CNTN5: variants seen among roughly 807,000 people sequenced by gnomAD.
The protein encoded by CNTN5 is contactin 5.
A neutral mutation model predicts 129.1 loss-of-function variants in CNTN5; 77 were observed. The observed-to-expected ratio is 0.60, with a 90% confidence interval of 0.50 to 0.72. The LOEUF (loss-of-function observed/expected upper bound fraction) is 0.72, where lower values mean the gene tolerates loss of function less well. CNTN5 is among the 30% of genes least tolerant of loss of function. CNTN5 has a pLI of 0.00. For missense variants in CNTN5, 1,478 were observed against 1,328.8 expected (o/e 1.11, Z -1.75); for synonymous variants, 509 against 465.6 (o/e 1.09, Z -1.20).
At chr11:100,239,789 G>T (rs7110716) in intron 16 of CNTN5, among the ~76,000 whole-genome samples, 7,653 of 152,184 alleles carry the variant, frequency 0.05, 535 homozygotes, top group African/African-American at 0.16. Flanking sequence ...GAAATATTTT[G>T]CAAGTTACAT....
intron 3 of CNTN5, among the ~76,000 whole-genome samples, chr11:99,684,112 T>A (rs971803415): frequency 6.6e-6 from 1 of 151,780 alleles, no homozygotes; most frequent in African/African-American, 2.4e-5. Context: ...CCCCGTCTGG[T>A]AACCACACTT....
At chr11:99,338,955 A>G (rs997058156) in intron 2 of CNTN5, among the ~76,000 whole-genome samples, 2 of 117,842 alleles carry the variant, frequency 1.7e-5, no homozygotes, top group African/African-American at 2.8e-5. Context: ...TATCTGTGAT[A>G]TATATGTGTG....
At chr11:100,069,489 G>A (rs1048230693) in intron 10 of CNTN5, among the ~76,000 whole-genome samples, 18 of 151,956 alleles carry the variant, frequency 1.2e-4, no homozygotes, top group Admixed American at 1.1e-3. Flanking sequence ...TTTTTCACAT[G>A]CTCTCCTCTT....
At chr11:99,180,400 G>A (rs574492255) in intron 1 of CNTN5, among the ~76,000 whole-genome samples, 14 of 152,156 alleles carry the variant, frequency 9.2e-5, no homozygotes, top group Non-Finnish European at 7.3e-5. Context: ...TTTCGGCGCA[G>A]TCTGGGACCC....
At chr11:100,316,335 G>A (rs1377063116) in intron 21 of CNTN5, among the ~76,000 whole-genome samples, 2 of 152,112 alleles carry the variant, frequency 1.3e-5, no homozygotes, top group Admixed American at 6.5e-5. Flanking sequence ...TGGGCAATGG[G>A]AATGTACATA....
intron 1 of CNTN5, among the ~76,000 whole-genome samples, chr11:99,098,057 A>G (rs376184249): frequency 2.6e-5 from 4 of 152,074 alleles, no homozygotes; most frequent in African/African-American, 9.7e-5. Flanking sequence ...GGAATTCTAT[A>G]TATCTCATTT....
chr11:99,821,522 A>ATT (rs879425186), intron 4 of CNTN5, among the ~76,000 whole-genome samples: 1 of 150,142 alleles, frequency 6.7e-6, no homozygotes, highest in East Asian at 1.9e-4. Context: ...TGATTAGACA[A>ATT]TTTTTTTTTT....
intron 3 of CNTN5, among the ~76,000 whole-genome samples, chr11:99,569,109 G>A (rs1026025271): frequency 3.9e-5 from 6 of 151,982 alleles, no homozygotes; most frequent in East Asian, 1.9e-4. Flanking sequence ...ATGGTTTGAA[G>A]TGAAAATTTT....
chr11:99,337,877 T>C (rs1866304724), intron 2 of CNTN5, among the ~76,000 whole-genome samples: 3 of 150,068 alleles, frequency 2.0e-5, no homozygotes, highest in African/African-American at 7.4e-5. Flanking sequence ...TTTAAAAAAA[T>C]CAAAGCAGAA....
At chr11:100,047,135 C>A (rs1219067714) in intron 9 of CNTN5, among the ~76,000 whole-genome samples, 1 of 151,690 alleles carries the variant, frequency 6.6e-6, no homozygotes, top group Non-Finnish European at 1.5e-5. Context: ...GGCGGAAAAA[C>A]TAAGAAAAAC....
chr11:99,863,244 GC>G (rs1027114281), intron 6 of CNTN5, among the ~76,000 whole-genome samples: 1 of 152,058 alleles, frequency 6.6e-6, no homozygotes, highest in Non-Finnish European at 1.5e-5. Context: ...AAAAGCAGAT[GC>G]TTTTCTCTCC....
intron 6 of CNTN5, among the ~76,000 whole-genome samples, chr11:99,902,853 A>T (rs1949395276): frequency 6.6e-6 from 1 of 152,268 alleles, no homozygotes; most frequent in African/African-American, 2.4e-5. Flanking sequence ...TAATTAAAAG[A>T]TAGGAAAGAA....
chr11:99,716,617 C>T (rs140079255), intron 3 of CNTN5, among the ~76,000 whole-genome samples: 215 of 152,192 alleles, frequency 1.4e-3, no homozygotes, highest in African/African-American at 5.0e-3. Flanking sequence ...CTATCTCAAA[C>T]TACATGCAGC....
chr11:99,641,711 A>G (rs1206982336), intron 3 of CNTN5, among the ~76,000 whole-genome samples: 1 of 152,086 alleles, frequency 6.6e-6, no homozygotes, highest in Non-Finnish European at 1.5e-5. Flanking sequence ...ATTAATATTT[A>G]AGCAGGAGAG....
chr11:100,053,978 T>C (rs1943090801), intron 9 of CNTN5, among the ~76,000 whole-genome samples: 1 of 151,832 alleles, frequency 6.6e-6, no homozygotes, highest in Admixed American at 6.6e-5. Flanking sequence ...TAGTGTATTA[T>C]TCAATTTACA....
chr11:99,572,279 A>T (rs2135580079), intron 3 of CNTN5, among the ~76,000 whole-genome samples: 1 of 152,302 alleles, frequency 6.6e-6, no homozygotes, highest in Non-Finnish European at 1.5e-5. Flanking sequence ...ACAAAAACAA[A>T]AACAAAACAA....
At chr11:100,044,939 C>T (rs1444206787) in intron 9 of CNTN5, among the ~76,000 whole-genome samples, 6 of 152,134 alleles carry the variant, frequency 3.9e-5, no homozygotes, top group South Asian at 4.2e-4. Context: ...CATAATCTCT[C>T]GCATTACTGA....
At chr11:99,493,443 C>G (rs760806619) in intron 2 of CNTN5, among the ~76,000 whole-genome samples, 1 of 152,182 alleles carries the variant, frequency 6.6e-6, no homozygotes, top group African/African-American at 2.4e-5. Flanking sequence ...TATTGAGTAT[C>G]GATAATTCTA....
intron 9 of CNTN5, among the ~76,000 whole-genome samples, chr11:100,049,695 A>G (rs941759929): frequency 2.0e-5 from 3 of 152,160 alleles, no homozygotes; most frequent in Non-Finnish European, 4.4e-5. Flanking sequence ...GCAACCTACA[A>G]AATGGGAGAA....
Sources: gnomAD v4.1 joint callset for allele counts (sites outside exome capture counted in the v4.1 genomes callset) on GRCh38, gnomAD v4.1.1 for gene constraint, MANE v1.5 for transcripts, NCBI Gene and HGNC (gene_info 2026-07-23, HGNC 2026-07-21) for gene names.